Variants in LDHAL6A observed in about 807,000 individuals in gnomAD.
The protein encoded by LDHAL6A is L-lactate dehydrogenase A-like 6A.
A neutral mutation model predicts 28.2 loss-of-function variants in LDHAL6A; 19 were observed. The ratio of observed to expected loss-of-function variants is 0.67; its 90% confidence interval spans 0.47 to 0.99. The LOEUF (loss-of-function observed/expected upper bound fraction) is 0.99, where lower values mean the gene tolerates loss of function less well. Ranked by LOEUF, LDHAL6A falls within the 50% of genes least tolerant of loss-of-function variation. The probability of loss-of-function intolerance (pLI) is 0.00; values close to 1 mark genes in which losing one functional copy is unlikely to be tolerated. For synonymous variants in LDHAL6A, 144 were observed against 134.4 expected (o/e 1.07, Z -0.49); for missense variants, 372 against 398.6 (o/e 0.93, Z 0.57).
Position 18,461,772 on chromosome 11 carries a change from A to T in LDHAL6A, c.127-2189A>T, listed in dbSNP as rs146671734. 6.6e-3 allele frequency among the ~76,000 whole-genome samples: 1,001 copies of T among 151,148 alleles called. 14 individuals are homozygous for T. The highest frequency in any genetic ancestry group is 0.023 in the African/African-American group (941 of 41,014). On this transcript the variant is annotated intron_variant, in intron 1 of 6. Transcript: ENST00000280706. ...GAGGCTGAGGCAGGAAAATCGCTTGAACCCGGGAAGGTGTGGGTTGCAGTG... is the reference window on the plus strand; with the variant it reads ...GAGGCTGAGGCAGGAAAATCGCTTGTACCCGGGAAGGTGTGGGTTGCAGTG...
intron 1 of LDHAL6A, among the ~76,000 whole-genome samples, chr11:18,457,147 C>A (rs1163789502): frequency 6.6e-6 from 1 of 152,150 alleles, no homozygotes; most frequent in African/African-American, 2.4e-5. Flanking sequence ...ACAAGCGTGT[C>A]AGTGATGGTA....
chr11:18,478,484 C>T (rs185699660), intron 6 of LDHAL6A, among the ~76,000 whole-genome samples: 163 of 151,924 alleles, frequency 1.1e-3, no homozygotes, highest in African/African-American at 3.7e-3. Context: ...GGCGTGAACC[C>T]GGGAGGCGGA....
intron 3 of LDHAL6A, 139 bp downstream of exon 3, chr11:18,465,949 T>TC: frequency 1.6e-6 from 1 of 616,566 alleles, no homozygotes; most frequent in Non-Finnish European, 2.8e-6. Flanking sequence ...AAGTACCTAA[T>TC]AGTTTTTCAG....
Position 18,479,040 on chromosome 11 carries a change from C to T in LDHAL6A, c.*170C>T. ...TTTTTTTTCTTTTTTGGGAGGGTCT[C>T]ATTCTGTCACCCAGGCTGGAGTGCA... is the stretch of plus-strand genomic sequence containing the variant. On this transcript the variant is annotated 3_prime_UTR_variant, in exon 7 of 7. Coordinates refer to ENST00000280706, the MANE Select transcript of LDHAL6A (RefSeq NM_144972.5). The T allele has an allele frequency of 1.9e-6, 1 of 536,912 alleles. No homozygotes were observed. The highest frequency in any genetic ancestry group is 2.2e-5 in the South Asian group (1 of 44,660). 33.3% of individuals were successfully genotyped at this position (536,912 alleles called of 1,614,324 possible). A position where few individuals can be genotyped will look rare whatever the true frequency, so the allele number is the denominator to read the frequency against.
At position 18,479,010 on chromosome 11, in the gene LDHAL6A, C is replaced by A; in HGVS notation, c.*140C>A. On this transcript the variant is annotated 3_prime_UTR_variant, in exon 7 of 7. Transcript: ENST00000280706. ...TGACCTATTTAGTATAGCCTTCCAG[C>A]TTTTTTTTTTTTCTTTTTTGGGAGG... 3.6e-6 allele frequency: 2 copies of A among 557,434 alleles called. No homozygotes were observed. Among genetic ancestry groups the A allele is most frequent in the Non-Finnish European group, 5.8e-6 (2 of 342,000 alleles). 34.5% of individuals were successfully genotyped at this position (557,434 alleles called of 1,614,324 possible).
At chr11:18,467,969 G>GTATA (rs1196445004) in intron 3 of LDHAL6A, among the ~76,000 whole-genome samples, 1 of 56,864 alleles carries the variant, frequency 1.8e-5, no homozygotes, top group African/African-American at 1.1e-4. Flanking sequence ...ATATATATAC[G>GTATA]TATATATATA....
intron 5 of LDHAL6A, 93 bp from the exon 6 acceptor site, chr11:18,477,527 C>A (rs1849416552): frequency 2.8e-5 from 31 of 1,101,950 alleles, no homozygotes; most frequent in Middle Eastern, 6.5e-4. Context: ...GGAGTCACTG[C>A]AGTTTTGTGG....
intron 1 of LDHAL6A, among the ~76,000 whole-genome samples, chr11:18,457,201 A>G (rs1848782251): frequency 6.6e-6 from 1 of 152,128 alleles, no homozygotes; most frequent in Non-Finnish European, 1.5e-5. Flanking sequence ...TTTCATTTAA[A>G]TATCTCTCTC....
At chr11:18,468,203 A>G (rs888304352) in intron 3 of LDHAL6A, 8 of 150,452 alleles carry the variant, frequency 5.3e-5, no homozygotes, top group African/African-American at 2.0e-4. Context: ...TTTTGTATTT[A>G]ATAAGTTGTT....
chr11:18,466,484 C>T (rs760113359), intron 3 of LDHAL6A, among the ~76,000 whole-genome samples: 2 of 151,776 alleles, frequency 1.3e-5, no homozygotes, highest in Non-Finnish European at 2.9e-5. Context: ...AGAACTCCAT[C>T]TCTACAAAAA....
At chr11:18,459,649 G>A (rs1395888827) in intron 1 of LDHAL6A, among the ~76,000 whole-genome samples, 2 of 152,178 alleles carry the variant, frequency 1.3e-5, no homozygotes, top group Admixed American at 1.3e-4. Context: ...CACGATGAAA[G>A]AATGGATATT....
At chr11:18,457,686 C>T (rs1397028270) in intron 1 of LDHAL6A, among the ~76,000 whole-genome samples, 2 of 152,106 alleles carry the variant, frequency 1.3e-5, no homozygotes, top group Non-Finnish European at 2.9e-5. Flanking sequence ...AATACACACA[C>T]GTGAAAACCA....
chr11:18,479,036 G>A lies in LDHAL6A; in HGVS notation c.*166G>A, dbSNP rs369461772. 19 of 542,678 alleles carry A rather than the reference G, an allele frequency of 3.5e-5. No homozygotes were observed. The highest frequency in any genetic ancestry group is 2.7e-4 in the East Asian group (8 of 29,218). The allele number at this position is 542,678 out of a possible 1,614,324, so 33.6% of individuals were successfully genotyped here. A position where few individuals can be genotyped will look rare whatever the true frequency, so the allele number is the denominator to read the frequency against. On this transcript the variant is annotated 3_prime_UTR_variant, in exon 7 of 7. Transcript: ENST00000280706. ...TTTTTTTTTTTTCTTTTTTGGGAGG[G>A]TCTCATTCTGTCACCCAGGCTGGAG...
intron 1 of LDHAL6A, 142 bp downstream of exon 1, chr11:18,456,948 T>A (rs967827540): frequency 3.0e-5 from 23 of 766,646 alleles, no homozygotes; most frequent in South Asian, 2.6e-4. Flanking sequence ...GCCCTTTTTT[T>A]AGTTGTTCAC....
rs148353833 is a variant in LDHAL6A, at chr11:18,478,780, C to T, written c.909C>T (p.Leu303=). 251 of 1,613,522 alleles carry T rather than the reference C, an allele frequency of 1.6e-4. No individual in the cohort carries two copies. The highest frequency in any genetic ancestry group is 2.0e-4 in the Non-Finnish European group (240 of 1,179,662). Residue 303 remains leucine (L), a synonymous_variant, in exon 7 of 7, where the codon CTC becomes CTT. Transcript: ENST00000280706. The part of the protein sequence containing the change: ...CILGENGITD[L]IKVKLTLEEE... ...TGGGAGAGAATGGTATCACAGACCT[C>T]ATAAAAGTAAAACTGACTCTTGAAG...
intron 3 of LDHAL6A, among the ~76,000 whole-genome samples, chr11:18,471,214 T>G (rs1849250421): frequency 6.6e-6 from 1 of 151,268 alleles, no homozygotes; most frequent in African/African-American, 2.4e-5. Context: ...TTAGAAGTTT[T>G]TTTTTTTTTT....
At chr11:18,463,606 CAAG>C (rs1848979107) in intron 1 of LDHAL6A, among the ~76,000 whole-genome samples, 1 of 152,188 alleles carries the variant, frequency 6.6e-6, no homozygotes. Flanking sequence ...TTCCTAGTCT[CAAG>C]AAGCTCAAGG....
At position 18,469,342 on chromosome 11, in the gene LDHAL6A, A is replaced by G. The variant is rs903883090; in HGVS notation, c.418+3532A>G. The G allele has an allele frequency of 1.2e-5, 5 of 422,356 alleles. No homozygotes were observed. The East Asian group carries it at 1.8e-4, about 15-fold the overall frequency. The allele number at this position is 422,356 out of a possible 1,614,324, so 26.2% of individuals were successfully genotyped here. On this transcript the variant is annotated intron_variant, in intron 3 of 6. Coordinates refer to ENST00000280706, the MANE Select transcript of LDHAL6A (RefSeq NM_144972.5). The stretch of plus-strand genomic sequence containing the variant: ...CATTAAGGTTATATGATAACAAATT[A>G]GGAAAAACAAATTAAGCATCACTTG...
In LDHAL6A at chr11:18,461,980, A is replaced by T. The variant is rs559904663; in HGVS notation, c.127-1981A>T. ...AGCCTGGGCAACATGGTGAAACCCC[A>T]TGTCTACAAAAAATACAAAAATTAG... On this transcript the variant is annotated intron_variant, in intron 1 of 6. Coordinates refer to ENST00000280706, the MANE Select transcript of LDHAL6A (RefSeq NM_144972.5). Among the ~76,000 whole-genome samples the T allele has an allele frequency of 3.2e-4, 48 of 148,682 alleles. No individual in the cohort carries two copies. In the East Asian group the frequency reaches 9.6e-3, roughly 30 times the overall value.
Sources: gnomAD v4.1 joint callset for allele counts (sites outside exome capture counted in the v4.1 genomes callset) on GRCh38, gnomAD v4.1.1 for gene constraint, MANE v1.5 for transcripts, NCBI Gene and HGNC (gene_info 2026-07-23, HGNC 2026-07-21) for gene names.